Variants in TMEM117 observed in about 807,000 individuals in gnomAD.
TMEM117 encodes the protein transmembrane protein 117.
A neutral mutation model predicts 52.4 loss-of-function variants in TMEM117; 27 were observed. That is an observed-to-expected ratio of 0.51 (90% CI 0.38 to 0.71). The LOEUF (loss-of-function observed/expected upper bound fraction) is 0.71, where lower values mean the gene tolerates loss of function less well. Among genes scored for constraint, TMEM117 ranks in the 30% least tolerant of loss-of-function variants. TMEM117 has a pLI of 0.00. For synonymous variants in TMEM117, 215 were observed against 206.3 expected, an observed-to-expected ratio of 1.04 and a Z score of -0.36; for missense variants, 556 against 630.5, an observed-to-expected ratio of 0.88 and a Z score of 1.26.
At chr12:44,326,419 G>T (rs946817475) in intron 6 of TMEM117, among the ~76,000 whole-genome samples, 2 of 152,178 alleles carry the variant, frequency 1.3e-5, no homozygotes, top group Non-Finnish European at 2.9e-5. Context: ...TGTGTCCAGA[G>T]ACCAACATCC....
intron 3 of TMEM117, among the ~76,000 whole-genome samples, chr12:43,996,304 A>G (rs576547344): frequency 6.6e-6 from 1 of 152,292 alleles, no homozygotes; most frequent in South Asian, 2.1e-4. Context: ...TTTCACTTAA[A>G]AGTTAATGAA....
At chr12:44,021,447 G>A (rs911215290) in intron 3 of TMEM117, among the ~76,000 whole-genome samples, 2 of 152,102 alleles carry the variant, frequency 1.3e-5, no homozygotes, top group Admixed American at 6.5e-5. Flanking sequence ...GTTATAGAAC[G>A]GGCTAAAGAA....
At position 43,961,644 on chromosome 12, in the gene TMEM117, G is replaced by A. The variant is rs144191707; in HGVS notation, c.410+17302G>A. Among the ~76,000 whole-genome samples, 404 of 152,244 alleles carry A rather than the reference G, an allele frequency of 2.7e-3. 7 individuals carry two copies. Among genetic ancestry groups the A allele is most frequent in the African/African-American group, 9.2e-3 (381 of 41,544 alleles). ...AGTTATATTAACTAAATGATTATTT[G>A]ATAATTCTTTTTAAAAAGAGGAAAA... On this transcript the variant is annotated intron_variant, in intron 3 of 7. Transcript: ENST00000266534.
chr12:44,246,886 A>G (rs1462126404), intron 5 of TMEM117, among the ~76,000 whole-genome samples: 1 of 152,166 alleles, frequency 6.6e-6, no homozygotes, highest in Non-Finnish European at 1.5e-5. Context: ...CCGATGCTTG[A>G]TGGTCTAAAA....
At chr12:44,015,333 C>A (rs910366593) in intron 3 of TMEM117, among the ~76,000 whole-genome samples, 1 of 152,052 alleles carries the variant, frequency 6.6e-6, no homozygotes, top group Non-Finnish European at 1.5e-5. Flanking sequence ...GAACATATTT[C>A]TTTTGTGTCA....
At chr12:44,298,273 A>G (rs993647902) in intron 5 of TMEM117, among the ~76,000 whole-genome samples, 1 of 150,848 alleles carries the variant, frequency 6.6e-6, no homozygotes, top group Non-Finnish European at 1.5e-5. Flanking sequence ...ATAAGACATT[A>G]GAGGGCAAAA....
intron 3 of TMEM117, among the ~76,000 whole-genome samples, chr12:44,111,775 T>A (rs1259191280): frequency 7.0e-6 from 1 of 142,976 alleles, no homozygotes; most frequent in Non-Finnish European, 1.5e-5. Context: ...TGACTTTCTG[T>A]CTTGTTGATC....
At chr12:44,144,347 A>G (rs1948612326) in intron 4 of TMEM117, among the ~76,000 whole-genome samples, 1 of 152,210 alleles carries the variant, frequency 6.6e-6, no homozygotes, top group Non-Finnish European at 1.5e-5. Context: ...AATGCAAAGA[A>G]CATAACTCCC....
chr12:43,854,108 T>C (rs1489967064), intron 2 of TMEM117, among the ~76,000 whole-genome samples: 1 of 152,158 alleles, frequency 6.6e-6, no homozygotes. Flanking sequence ...TTAGACTTTA[T>C]CTCTTCCATT....
intron 2 of TMEM117, among the ~76,000 whole-genome samples, chr12:43,857,313 C>CTTTT (rs10625731): frequency 3.4e-5 from 5 of 148,130 alleles, no homozygotes; most frequent in South Asian, 2.1e-4. Flanking sequence ...TTTCTAGGTA[C>CTTTT]TTTTTTTTTT....
chr12:43,870,509 T>G (rs1943684857), intron 2 of TMEM117, among the ~76,000 whole-genome samples: 1 of 152,078 alleles, frequency 6.6e-6, no homozygotes, highest in South Asian at 2.1e-4. Context: ...TCCACCCACC[T>G]CGGCCTCCCA....
intron 2 of TMEM117, among the ~76,000 whole-genome samples, chr12:43,877,619 A>G (rs1304884641): frequency 6.7e-6 from 1 of 148,316 alleles, no homozygotes; most frequent in East Asian, 2.0e-4. Flanking sequence ...CGGGCGACAT[A>G]GTGCGACTCG....
At chr12:44,254,736 C>T (rs1212143758) in intron 5 of TMEM117, among the ~76,000 whole-genome samples, 1 of 151,812 alleles carries the variant, frequency 6.6e-6, no homozygotes, top group African/African-American at 2.4e-5. Context: ...TATACATGTG[C>T]CATGTTGATG....
intron 5 of TMEM117, among the ~76,000 whole-genome samples, chr12:44,218,906 G>A (rs560186007): frequency 6.6e-6 from 1 of 152,278 alleles, no homozygotes; most frequent in East Asian, 1.9e-4. Context: ...ACAAAAATCT[G>A]CTGTTTAAGT....
chr12:44,284,037 G>A (rs554126783), intron 5 of TMEM117, among the ~76,000 whole-genome samples: 121 of 152,186 alleles, frequency 8.0e-4, no homozygotes, highest in Admixed American at 1.9e-3. Context: ...CCTTTTGGCC[G>A]GGTGCGGTGG....
intron 3 of TMEM117, among the ~76,000 whole-genome samples, chr12:43,973,972 A>G (rs1312026977): frequency 1.3e-5 from 2 of 152,178 alleles, no homozygotes; most frequent in African/African-American, 4.8e-5. Flanking sequence ...GTCAGTTTAG[A>G]TTATGTTAAA....
At chr12:43,848,537 TG>T (rs1943251533) in intron 2 of TMEM117, among the ~76,000 whole-genome samples, 1 of 152,226 alleles carries the variant, frequency 6.6e-6, no homozygotes, top group Non-Finnish European at 1.5e-5. Flanking sequence ...TGGCTCTTTT[TG>T]CCCGACCCCT....
chr12:43,930,964 G>A (rs1944862562), intron 2 of TMEM117, among the ~76,000 whole-genome samples: 1 of 152,138 alleles, frequency 6.6e-6, no homozygotes, highest in Non-Finnish European at 1.5e-5. Flanking sequence ...ATATGTCAGA[G>A]TACCAGAGTG....
intron 3 of TMEM117, among the ~76,000 whole-genome samples, chr12:43,983,438 C>A (rs1360308371): frequency 6.6e-6 from 1 of 151,504 alleles, no homozygotes; most frequent in African/African-American, 2.4e-5. Context: ...GGAGTCACTG[C>A]TGTAGCCTGT....
Sources: gnomAD v4.1 joint callset for allele counts (sites outside exome capture counted in the v4.1 genomes callset) on GRCh38, gnomAD v4.1.1 for gene constraint, MANE v1.5 for transcripts, NCBI Gene and HGNC (gene_info 2026-07-23, HGNC 2026-07-21) for gene names.